Variants in TENM4 observed in about 807,000 individuals in gnomAD.
TENM4 encodes the protein teneurin-4.
A neutral mutation model predicts 243.3 loss-of-function variants in TENM4; 82 were observed. The ratio of observed to expected loss-of-function variants is 0.34; its 90% CI spans 0.28 to 0.40. The LOEUF (loss-of-function observed/expected upper bound fraction) is 0.40, where lower values mean the gene tolerates loss of function less well. Ranked by LOEUF, TENM4 falls within the 10% of genes least tolerant of loss-of-function variation. TENM4 has a pLI of 1.00. For missense variants in TENM4, 3,138 were observed against 3,673.3 expected (o/e 0.85, Z 3.77); for synonymous variants, 1,412 against 1,456.3 (o/e 0.97, Z 0.69).
At chr11:78,695,432 C>T (rs985400747) in intron 28 of TENM4, among the ~76,000 whole-genome samples, 3 of 152,188 alleles carry the variant, frequency 2.0e-5, no homozygotes, top group African/African-American at 7.2e-5. Context: ...TGGCACATCT[C>T]AGCTCATTGC....
intron 6 of TENM4, among the ~76,000 whole-genome samples, chr11:79,045,806 C>T (rs1859642552): frequency 6.6e-6 from 1 of 151,706 alleles, no homozygotes; most frequent in African/African-American, 2.4e-5. Context: ...CCTTTGCCTG[C>T]TGGTTAATTC....
chr11:78,828,532 C>A (rs545985681), intron 12 of TENM4, among the ~76,000 whole-genome samples: 12 of 152,328 alleles, frequency 7.9e-5, no homozygotes, highest in South Asian at 6.2e-4. Flanking sequence ...GTCAGCAGCA[C>A]GATGATTTGA....
intron 6 of TENM4, among the ~76,000 whole-genome samples, chr11:79,059,131 T>C (rs2136964545): frequency 6.6e-6 from 1 of 152,328 alleles, no homozygotes; most frequent in East Asian, 1.9e-4. Context: ...AATTTCCCTT[T>C]TGACACCAGG....
intron 12 of TENM4, among the ~76,000 whole-genome samples, chr11:78,821,449 T>C (rs554816749): frequency 2.4e-4 from 36 of 152,302 alleles, no homozygotes; most frequent in African/African-American, 8.2e-4. Flanking sequence ...CCAGAGGCGT[T>C]TGGTGGCCAA....
chr11:78,822,665 A>G (rs2136125236), intron 12 of TENM4, among the ~76,000 whole-genome samples: 2 of 152,282 alleles, frequency 1.3e-5, no homozygotes, highest in East Asian at 3.9e-4. Context: ...GCAAACCACC[A>G]TGGCACACGT....
chr11:78,874,551 A>G (rs144218478), intron 9 of TENM4, among the ~76,000 whole-genome samples: 7 of 152,366 alleles, frequency 4.6e-5, no homozygotes, highest in Admixed American at 6.5e-5. Context: ...CAGAAAAGTC[A>G]GAAGACATAA....
At chr11:78,893,184 C>A (rs1333144641) in intron 7 of TENM4, among the ~76,000 whole-genome samples, 1 of 152,216 alleles carries the variant, frequency 6.6e-6, no homozygotes, top group African/African-American at 2.4e-5. Context: ...CTGGGAGGAG[C>A]TTCAGAGGTG....
intron 12 of TENM4, among the ~76,000 whole-genome samples, chr11:78,824,184 G>C (rs182503038): frequency 1.3e-3 from 192 of 152,280 alleles, no homozygotes; most frequent in Admixed American, 0.012. Flanking sequence ...ACTGGAGACT[G>C]GGTAATTTAT....
At chr11:79,297,907 G>A (rs192710858) in intron 1 of TENM4, among the ~76,000 whole-genome samples, 1 of 150,972 alleles carries the variant, frequency 6.6e-6, no homozygotes, top group Admixed American at 6.6e-5. Context: ...ACACATTCAT[G>A]TCCAACAATT....
At chr11:78,738,354 C>T (rs1014805371) in intron 20 of TENM4, 97 bp downstream of exon 20, 9 of 1,477,934 alleles carry the variant, frequency 6.1e-6, no homozygotes, top group South Asian at 2.8e-5. Flanking sequence ...GAATCCAAGA[C>T]CCATCCTCTT....
chr11:78,709,134 A>ATTTT (rs372114866), intron 26 of TENM4, among the ~76,000 whole-genome samples: 1 of 126,132 alleles, frequency 7.9e-6, no homozygotes, highest in East Asian at 2.3e-4. Flanking sequence ...TGCCTGGCTA[A>ATTTT]TTTTTTTTTT....
At chr11:79,245,324 A>T (rs1855492311) in intron 2 of TENM4, among the ~76,000 whole-genome samples, 1 of 152,230 alleles carries the variant, frequency 6.6e-6, no homozygotes, top group Admixed American at 6.5e-5. Flanking sequence ...AGATTACAGT[A>T]ACAAAACTTG....
At chr11:78,949,801 C>G (rs2136486449) in intron 6 of TENM4, among the ~76,000 whole-genome samples, 1 of 152,180 alleles carries the variant, frequency 6.6e-6, no homozygotes, top group East Asian at 1.9e-4. Context: ...TAGTTGTGGG[C>G]CTGCTGCATT....
At chr11:78,895,992 C>T (rs999468043) in intron 7 of TENM4, among the ~76,000 whole-genome samples, 1 of 152,168 alleles carries the variant, frequency 6.6e-6, no homozygotes, top group African/African-American at 2.4e-5. Context: ...CCCTGAACTG[C>T]CTGTAGGAGG....
At chr11:78,871,004 T>C (rs1028797726) in intron 9 of TENM4, among the ~76,000 whole-genome samples, 1 of 152,032 alleles carries the variant, frequency 6.6e-6, no homozygotes, top group Non-Finnish European at 1.5e-5. Context: ...AATTTAGGAG[T>C]TGGCCACCCC....
rs1857063165 is a variant in TENM4 at position 78,791,869 on chromosome 11, C to G, written c.2180-4786G>C. Among the ~76,000 whole-genome samples the G allele has an allele frequency of 1.3e-5, 2 of 152,164 alleles. 1 individual carries two copies. Among genetic ancestry groups the G allele is most frequent in the South Asian group, 4.2e-4 (2 of 4,812 alleles). ...TTTGATAAATGCTAGTTGGCTTTCA[C>G]ATGACCAACATCAGAGCTTTCTGAA... On this transcript the variant is annotated intron_variant, in intron 15 of 33. Transcript: ENST00000278550.
Position 78,837,477 on chromosome 11 carries a change from C to T in TENM4, c.1681+16627G>A, listed in dbSNP as rs570054799. Among the ~76,000 whole-genome samples the T allele has an allele frequency of 1.8e-4, 28 of 152,262 alleles. 1 individual carries two copies. The South Asian group carries it at 5.4e-3, about 29-fold the overall frequency. On this transcript the variant is annotated intron_variant, in intron 12 of 33. Transcript: ENST00000278550. ...AAACAAACTAATACATTTTCACATCCCCATCAGAATCTTTGAAGCACCACA... is the reference window on the plus strand; with the variant it reads ...AAACAAACTAATACATTTTCACATCTCCATCAGAATCTTTGAAGCACCACA...
intron 22 of TENM4, among the ~76,000 whole-genome samples, chr11:78,729,003 T>C (rs1397179282): frequency 6.8e-6 from 1 of 146,432 alleles, no homozygotes; most frequent in East Asian, 2.0e-4. Context: ...AAAAAAAAAA[T>C]GAAAGAAACC....
Position 78,727,546 on chromosome 11 carries a change from A to T in TENM4, c.3407-1324T>A, listed in dbSNP as rs1855544951. Reference sequence around the variant, plus strand: ...TCCATTTTTCAAATTTTTATTAACGACTATGGTGTTTTTTAAATTAGGAAA... The same window carrying T: ...TCCATTTTTCAAATTTTTATTAACGTCTATGGTGTTTTTTAAATTAGGAAA... On this transcript the variant is annotated intron_variant, in intron 22 of 33. Transcript: ENST00000278550. Among the ~76,000 whole-genome samples the T allele has an allele frequency of 5.3e-5, 8 of 152,140 alleles. No individual in the cohort carries two copies. The South Asian group carries it at 1.7e-3, about 31-fold the overall frequency.
Sources: gnomAD v4.1 joint callset for allele counts (sites outside exome capture counted in the v4.1 genomes callset) on GRCh38, gnomAD v4.1.1 for gene constraint, MANE v1.5 for transcripts, NCBI Gene and HGNC (gene_info 2026-07-23, HGNC 2026-07-21) for gene names.